Variants in PTPRT observed in about 807,000 individuals in gnomAD.
PTPRT encodes the protein protein tyrosine phosphatase receptor type T, also known as receptor-type tyrosine-protein phosphatase T.
PTPRT carries 56 observed loss-of-function variants against 176.8 expected under a neutral mutation model. That is an observed-to-expected ratio of 0.32 (90% CI 0.26 to 0.40). PTPRT has a LOEUF of 0.40. PTPRT is among the 10% of genes least tolerant of loss of function. PTPRT has a pLI of 1.00. For synonymous variants in PTPRT, 783 were observed against 739.0 expected, an observed-to-expected ratio of 1.06 and a Z score of -0.96; for missense variants, 1,540 against 1,908.2, an observed-to-expected ratio of 0.81 and a Z score of 3.60.
chr20:42,827,385 C>T (rs1381678407), intron 2 of PTPRT, among the ~76,000 whole-genome samples: 2 of 152,086 alleles, frequency 1.3e-5, no homozygotes, highest in Non-Finnish European at 2.9e-5. Flanking sequence ...AAATAGAAGT[C>T]AACACTAAAA....
intron 7 of PTPRT, among the ~76,000 whole-genome samples, chr20:42,501,734 C>T (rs957731110): frequency 6.6e-6 from 1 of 152,158 alleles, no homozygotes; most frequent in Non-Finnish European, 1.5e-5. Context: ...CTGTTGTATA[C>T]TGTCAAACAG....
chr20:43,003,628 C>G (rs1284675606), intron 1 of PTPRT, among the ~76,000 whole-genome samples: 1 of 152,324 alleles, frequency 6.6e-6, no homozygotes, highest in East Asian at 1.9e-4. Flanking sequence ...TTTTGCAATA[C>G]AGATTTTTAA....
intron 1 of PTPRT, among the ~76,000 whole-genome samples, chr20:43,101,263 G>A (rs927057): frequency 0.49 from 74,092 of 151,912 alleles, 18,563 homozygotes; most frequent in Non-Finnish European, 0.51. Context: ...TCCATGAGAT[G>A]ATGTATGTAA....
At chr20:42,485,964 G>A (rs548681820) in intron 7 of PTPRT, among the ~76,000 whole-genome samples, 2 of 152,314 alleles carry the variant, frequency 1.3e-5, no homozygotes, top group East Asian at 3.9e-4. Context: ...ACAAAACAAA[G>A]CTGTCCATCT....
intron 16 of PTPRT, among the ~76,000 whole-genome samples, chr20:42,197,376 CAAAAAA>C (rs3086756): frequency 2.4e-4 from 8 of 33,316 alleles, no homozygotes; most frequent in South Asian, 3.6e-3. Flanking sequence ...GAGACTCCAT[CAAAAAA>C]AAAAAAAAAA....
chr20:42,933,099 C>G (rs568730937), intron 1 of PTPRT, among the ~76,000 whole-genome samples: 1 of 152,134 alleles, frequency 6.6e-6, no homozygotes, highest in South Asian at 2.1e-4. Flanking sequence ...CTTTCTGGAC[C>G]AGACTCCCCC....
At chr20:42,778,395 T>C (rs1600727240) in intron 4 of PTPRT, among the ~76,000 whole-genome samples, 1 of 152,120 alleles carries the variant, frequency 6.6e-6, no homozygotes, top group African/African-American at 2.4e-5. Context: ...CACAAAGTTC[T>C]GGGATCCAGG....
chr20:42,877,337 C>T (rs1189212144), intron 2 of PTPRT, among the ~76,000 whole-genome samples: 1 of 152,114 alleles, frequency 6.6e-6, no homozygotes, highest in Non-Finnish European at 1.5e-5. Context: ...TCCAGGTTAC[C>T]TATTCAGCCA....
chr20:42,255,140 G>A (rs976458353), intron 13 of PTPRT, among the ~76,000 whole-genome samples: 3 of 152,156 alleles, frequency 2.0e-5, no homozygotes, highest in Admixed American at 6.5e-5. Flanking sequence ...TTTTGATGTC[G>A]AGATGCTATG....
Position 42,084,838 on chromosome 20 carries a change from T to C in PTPRT, c.3980A>G (p.Asp1327Gly), listed in dbSNP as rs754595140. 25 of 1,431,396 alleles carry C rather than the reference T, an allele frequency of 1.7e-5. No homozygotes were observed. The highest frequency in any genetic ancestry group is 2.3e-5 in the Non-Finnish European group (25 of 1,075,374). The allele number at this position is 1,431,396 out of a possible 1,614,324, so 88.7% of individuals were successfully genotyped here. Residue 1327 changes from aspartate (D) to glycine (G), a missense_variant, in exon 29 of 31, where the codon GAT (aspartate) becomes GGT (glycine). Asp to Gly is a moderately conservative substitution (Grantham distance 94, BLOSUM62 -1). This residue lies in a region of PTPRT where 342 missense variants were observed against 394.0 expected (regional missense o/e 0.87). Transcript: ENST00000373187. ...GAGGTGCTGGACTATACGATAACCA[T>C]CCTGTGGCTGAGAACAGAGAGGCTG... ...FRICNMARPQ[D>G]GYRIVQHLQY...
At chr20:42,353,179 C>A (rs1262014106) in intron 9 of PTPRT, among the ~76,000 whole-genome samples, 1 of 152,206 alleles carries the variant, frequency 6.6e-6, no homozygotes, top group East Asian at 1.9e-4. Flanking sequence ...CTGGACACTG[C>A]AGTCATAGAA....
intron 25 of PTPRT, among the ~76,000 whole-genome samples, chr20:42,104,247 T>G (rs565244198): frequency 5.5e-4 from 84 of 152,276 alleles, no homozygotes; most frequent in South Asian, 8.3e-4. Flanking sequence ...GGTGGGAGGA[T>G]TCCTTGAGCC....
In PTPRT at chr20:42,115,235, C is replaced by T. The variant is rs2146311479; in HGVS notation, c.3063G>A (p.Leu1021=). 6.2e-7 allele frequency: 1 copy of T among 1,614,098 alleles called. No homozygotes were observed. Among genetic ancestry groups the T allele is most frequent in the East Asian group, 2.2e-5 (1 of 44,878 alleles). The change falls in exon 22 of 31, where the codon CTG becomes CTA. Residue 1021 remains leucine (L), a synonymous_variant. Transcript: ENST00000373187. ...IKVTLIETEP[L]AEYVIRTFTV... is the part of the protein sequence containing the mutation. ...TGAAGGTGCGTATGACGTATTCTGC[C>T]AGGGGCTCTGTTTCAATCAGGGTGA...
intron 1 of PTPRT, among the ~76,000 whole-genome samples, chr20:42,914,177 G>A (rs931429052): frequency 5.3e-5 from 8 of 152,150 alleles, no homozygotes; most frequent in Admixed American, 5.2e-4. Context: ...AGGGATTTGT[G>A]GATCAGCCCT....
At chr20:42,913,758 T>C (rs1351882444) in intron 1 of PTPRT, among the ~76,000 whole-genome samples, 2 of 152,218 alleles carry the variant, frequency 1.3e-5, no homozygotes, top group East Asian at 1.9e-4. Flanking sequence ...TAACTTTAGA[T>C]TGAGAAAAGC....
intron 6 of PTPRT, among the ~76,000 whole-genome samples, chr20:42,713,603 G>C (rs1412105518): frequency 2.0e-5 from 3 of 152,112 alleles, no homozygotes; most frequent in African/African-American, 7.2e-5. Flanking sequence ...AATGAACTTA[G>C]GGATAAGTGA....
rs190809686 is a variant in PTPRT at position 42,371,233 on chromosome 20, C to T, written c.1561-18948G>A. Among the ~76,000 whole-genome samples, 11 of 152,240 alleles carry T rather than the reference C, an allele frequency of 7.2e-5. No homozygotes were observed. The East Asian group carries it at 9.7e-4, about 13-fold the overall frequency. Reference sequence around the variant, plus strand: ...TGGGGCCAGGATCTGTACCACTGGTCGGTGAAGGAATAAGGACATCCAAAA... The same window carrying T: ...TGGGGCCAGGATCTGTACCACTGGTTGGTGAAGGAATAAGGACATCCAAAA... On this transcript the variant is annotated intron_variant, in intron 9 of 30. Transcript: ENST00000373187.
intron 11 of PTPRT, among the ~76,000 whole-genome samples, chr20:42,343,584 CT>C (rs1267540413): frequency 2.0e-4 from 31 of 152,212 alleles, no homozygotes; most frequent in African/African-American, 6.3e-4. Context: ...ACAAGCTTGT[CT>C]GCTTGAATTT....
chr20:42,963,412 TAAAAATA>T (rs1221885635), intron 1 of PTPRT, among the ~76,000 whole-genome samples: 1 of 150,208 alleles, frequency 6.7e-6, no homozygotes, highest in Non-Finnish European at 1.5e-5. Context: ...TATATAAAAA[TAAAAATA>T]AAAAATAAAA....
Sources: allele counts gnomAD v4.1 joint callset (sites outside exome capture counted in the v4.1 genomes callset), GRCh38; gene constraint gnomAD v4.1.1; regional missense constraint gnomAD v4.1.1; transcripts MANE v1.5; gene names NCBI Gene and HGNC (gene_info 2026-07-23, HGNC 2026-07-21).